Variants in STPG2 observed in about 807,000 individuals in gnomAD.
STPG2 encodes the protein sperm tail PG-rich repeat containing 2.
In STPG2, 56 loss-of-function variants were observed where a neutral mutation model predicts 54.2. The ratio of observed to expected loss-of-function variants is 1.03; its 90% CI spans 0.83 to 1.29. The LOEUF (loss-of-function observed/expected upper bound fraction) is 1.29. Among genes scored for constraint, STPG2 ranks in the 50% most tolerant of loss-of-function variants. The pLI, the probability that STPG2 is intolerant of heterozygous loss-of-function variation, is 0.00. For synonymous variants in STPG2, 200 were observed against 181.8 expected (o/e 1.10, Z -0.81); for missense variants, 596 against 544.9 (o/e 1.09, Z -0.93).
intron 10 of STPG2, among the ~76,000 whole-genome samples, chr4:97,638,983 T>A (rs988662230): frequency 5.3e-5 from 8 of 151,588 alleles, no homozygotes; most frequent in African/African-American, 9.7e-5. Context: ...GACCCGGCCA[T>A]CCCATTACTG....
At chr4:97,559,317 C>T (rs1732162837) in intron 10 of STPG2, among the ~76,000 whole-genome samples, 200 bp from the exon 11 acceptor site, 1 of 152,042 alleles carries the variant, frequency 6.6e-6, no homozygotes, top group African/African-American at 2.4e-5. Flanking sequence ...TGAATATAAT[C>T]AATATTAATT....
At chr4:98,123,610 T>C (rs939869899) in intron 3 of STPG2, among the ~76,000 whole-genome samples, 2 of 152,208 alleles carry the variant, frequency 1.3e-5, no homozygotes, top group Non-Finnish European at 2.9e-5. Context: ...CTTCCAATTA[T>C]GTGATCAATT....
chr4:97,810,467 A>AT (rs1398969691), intron 9 of STPG2, among the ~76,000 whole-genome samples: 1 of 151,606 alleles, frequency 6.6e-6, no homozygotes, highest in African/African-American at 2.4e-5. Flanking sequence ...TGTCTCAAAA[A>AT]AAAAAAAAAA....
chr4:97,645,851 C>T (rs1721897733), intron 10 of STPG2, among the ~76,000 whole-genome samples: 1 of 152,040 alleles, frequency 6.6e-6, no homozygotes, highest in Admixed American at 6.6e-5. Context: ...AAAATTAGTA[C>T]TGTAAATAGT....
chr4:97,648,765 C>T (rs548457441), intron 10 of STPG2, among the ~76,000 whole-genome samples: 7 of 152,010 alleles, frequency 4.6e-5, no homozygotes, highest in Admixed American at 1.3e-4. Context: ...TTAGTAAACT[C>T]ATAACTAGAA....
chr4:97,984,205 C>T (rs760740041), intron 5 of STPG2, among the ~76,000 whole-genome samples: 51 of 152,238 alleles, frequency 3.4e-4, no homozygotes, highest in African/African-American at 1.1e-3. Flanking sequence ...ATCACACAGG[C>T]GCAATCTCGA....
At chr4:97,963,056 G>A (rs1050661614) in intron 7 of STPG2, among the ~76,000 whole-genome samples, 7 of 152,270 alleles carry the variant, frequency 4.6e-5, no homozygotes, top group African/African-American at 1.7e-4. Context: ...CTACTCAGGA[G>A]GCTGAGGAAG....
intron 4 of STPG2, among the ~76,000 whole-genome samples, chr4:97,542,477 C>G (rs1340479052): frequency 6.6e-6 from 1 of 152,116 alleles, no homozygotes; most frequent in Non-Finnish European, 1.5e-5. Context: ...ACAACAGGTG[C>G]TGGAGAGGAT....
At chr4:97,953,354 A>G (rs1733545545) in intron 7 of STPG2, among the ~76,000 whole-genome samples, 1 of 152,176 alleles carries the variant, frequency 6.6e-6, no homozygotes, top group Non-Finnish European at 1.5e-5. Context: ...TCTAAGTTCT[A>G]GGCACTTAAT....
chr4:97,795,910 T>C (rs111379831), intron 9 of STPG2, among the ~76,000 whole-genome samples: 2,766 of 152,324 alleles, frequency 0.018, 78 homozygotes, highest in African/African-American at 0.063. Flanking sequence ...TGTGAGATGA[T>C]ATCTCATTGT....
chr4:98,019,221 T>A (rs1442584842), intron 5 of STPG2, among the ~76,000 whole-genome samples: 1 of 152,216 alleles, frequency 6.6e-6, no homozygotes, highest in Non-Finnish European at 1.5e-5. Flanking sequence ...GGATCCAGTT[T>A]CAGCTTTCTA....
intron 5 of STPG2, among the ~76,000 whole-genome samples, chr4:98,100,771 G>T (rs1375292229): frequency 2.0e-5 from 3 of 150,094 alleles, no homozygotes; most frequent in African/African-American, 7.4e-5. Flanking sequence ...TGCCTCCCAG[G>T]TTCCAGTGAT....
In STPG2 at chr4:97,960,979, G is replaced by T. The variant is rs559473024; in HGVS notation, c.933+11301C>A. Among the ~76,000 whole-genome samples, 4 of 152,000 alleles carry T rather than the reference G, an allele frequency of 2.6e-5. No homozygotes were observed. The East Asian group carries it at 7.7e-4, about 29-fold the overall frequency. The stretch of plus-strand genomic sequence containing the variant: ...AGGCCATAGTCACTAAAACAGCATG[G>T]TACTGGTATAAACATAGGTGCATAG... On this transcript the variant is annotated intron_variant, in intron 7 of 10. Coordinates refer to ENST00000295268, the MANE Select transcript of STPG2 (RefSeq NM_174952.3).
In STPG2 at chr4:97,695,388, T is replaced by C. The variant is rs368552874; in HGVS notation, c.1320+17311A>G. ...TATGACAAACCCACAGCCAACATTA[T>C]ACTGAATGGGGAAAAGTTGAAAGCA... On this transcript the variant is annotated intron_variant, in intron 10 of 10. Transcript: ENST00000295268. Among the ~76,000 whole-genome samples the C allele has an allele frequency of 4.1e-4, 63 of 152,290 alleles. 1 individual carries two copies. In the East Asian group the frequency reaches 0.012, roughly 28 times the overall value.
At chr4:97,790,916 A>C (rs979666039) in intron 9 of STPG2, among the ~76,000 whole-genome samples, 2 of 152,120 alleles carry the variant, frequency 1.3e-5, no homozygotes, top group Non-Finnish European at 2.9e-5. Flanking sequence ...GTTGAGGGGG[A>C]CCATTCTTTC....
At chr4:97,716,765 G>A (rs971874586) in intron 9 of STPG2, among the ~76,000 whole-genome samples, 5 of 151,688 alleles carry the variant, frequency 3.3e-5, no homozygotes, top group Non-Finnish European at 5.9e-5. Flanking sequence ...TAGGTGATGG[G>A]TTGATGGGTG....
At chr4:97,821,592 G>T (rs746946829) in intron 9 of STPG2, among the ~76,000 whole-genome samples, 7 of 152,180 alleles carry the variant, frequency 4.6e-5, no homozygotes, top group Non-Finnish European at 1.0e-4. Flanking sequence ...CTCTGTGAGG[G>T]CTCCACCCTT....
At position 97,712,723 on chromosome 4, in the gene STPG2, A is replaced by T; in HGVS notation, c.1296T>A (p.Ile432=). 1 of 1,595,832 alleles carries T rather than the reference A, an allele frequency of 6.3e-7. No homozygotes were observed. Among genetic ancestry groups the T allele is most frequent in the Non-Finnish European group, 8.5e-7 (1 of 1,169,980 alleles). The change falls in exon 10 of 11, where the codon ATT becomes ATA. Residue 432 remains isoleucine (I), a synonymous_variant. Transcript: ENST00000295268. ...ASKRFEESKE[I]TPGPATYEIS... ...CCTCATATGTTGCTGGGCCTGGAGT[A>T]ATCTCTTTGGACTCTTCAAAGCGCT...
intron 7 of STPG2, among the ~76,000 whole-genome samples, chr4:97,968,338 C>T (rs527677216): frequency 3.9e-5 from 6 of 152,248 alleles, no homozygotes; most frequent in African/African-American, 1.4e-4. Context: ...GATGGATTCA[C>T]AGCCGAATTC....
Sources: gnomAD v4.1 joint callset for allele counts (sites outside exome capture counted in the v4.1 genomes callset) on GRCh38, gnomAD v4.1.1 for gene constraint, MANE v1.5 for transcripts, NCBI Gene and HGNC (gene_info 2026-07-23, HGNC 2026-07-21) for gene names.